WDR3: variants seen among roughly 807,000 people sequenced by gnomAD.
WDR3 encodes WD repeat-containing protein 3.
In WDR3, 81 loss-of-function variants were observed where a neutral mutation model predicts 123.7. That is an observed-to-expected ratio of 0.65 (90% confidence interval 0.55 to 0.79). The LOEUF (loss-of-function observed/expected upper bound fraction) is 0.79. WDR3 is among the 30% of genes least tolerant of loss of function. The pLI is 0.00. For synonymous variants in WDR3, 390 were observed against 388.8 expected (o/e 1.00, Z -0.04); for missense variants, 1,027 against 1,123.2 (o/e 0.91, Z 1.22).
intron 10 of WDR3, among the ~76,000 whole-genome samples, chr1:117,942,934 A>G (rs1173026632): frequency 7.2e-6 from 1 of 138,358 alleles, no homozygotes; most frequent in Non-Finnish European, 1.5e-5. Context: ...CTACTCAGCT[A>G]CTACTCAATA....
chr1:117,938,325 T>C (rs1651013427), intron 4 of WDR3, among the ~76,000 whole-genome samples, 155 bp from the exon 5 acceptor site: 1 of 152,230 alleles, frequency 6.6e-6, no homozygotes, highest in East Asian at 1.9e-4. Flanking sequence ...GTTAGGATTC[T>C]TTGCTTTTCA....
Position 117,933,295 on chromosome 1 carries a change from C to T in WDR3, c.-25C>T, listed in dbSNP as rs369548134. ...CTTTGTTTATATGCACAGATTGCTT[C>T]ACCTGTGGTATCAGACATCACAACA... On this transcript the variant is annotated 5_prime_UTR_variant, in exon 2 of 27. Coordinates refer to ENST00000349139, the MANE Select transcript of WDR3 (RefSeq NM_006784.3). 7 of 1,612,240 alleles carry T rather than the reference C, an allele frequency of 4.3e-6. No individual in the cohort carries two copies. Among genetic ancestry groups the T allele is most frequent in the Non-Finnish European group, 5.9e-6 (7 of 1,178,666 alleles).
In WDR3 at chr1:117,929,768, C is replaced by T. The variant is rs529289139; in HGVS notation, c.-47C>T. On this transcript the variant is annotated 5_prime_UTR_variant, in exon 1 of 27. Transcript: ENST00000349139. ...TGGGCGGGTCCAATCGGCTGGGAGC[C>T]TCGTGGAGGCTGAGGTGAGTCCTGG... The T allele has an allele frequency of 3.3e-5, 5 of 152,528 alleles. No homozygotes were observed. The highest frequency in any genetic ancestry group is 1.2e-4 in the African/African-American group (5 of 41,598). The allele number at this position is 152,528 out of a possible 1,614,324, so 9.4% of individuals were successfully genotyped here.
At chr1:117,956,689 G>A (rs1652247908) in intron 24 of WDR3, among the ~76,000 whole-genome samples, 1 of 152,130 alleles carries the variant, frequency 6.6e-6, no homozygotes, top group Non-Finnish European at 1.5e-5. Context: ...TTAAAATAGT[G>A]TAGCATTGGT....
At position 117,953,559 on chromosome 1, in the gene WDR3, G is replaced by GT. The variant is rs1364500980; in HGVS notation, c.2268+19dup. ...TGAAAGCAGTAAGTTGATATAGAAT[G>GT]TGGTATCTCGTTTTTTAATAAGATC... is the stretch of plus-strand genomic sequence containing the variant. On this transcript the variant is annotated intron_variant, in intron 21 of 26. Coordinates refer to ENST00000349139, the MANE Select transcript of WDR3 (RefSeq NM_006784.3). 1.2e-6 allele frequency: 2 copies of GT among 1,604,580 alleles called. No homozygotes were observed. Among genetic ancestry groups the GT allele is most frequent in the Non-Finnish European group, 1.7e-6 (2 of 1,175,576 alleles).
Position 117,964,065 on chromosome 1 carries a change from TC to T in WDR3, c.*4620del. ...CAGTTCAATTTTAGGTAACTGTCTA[TC>T]CAATGCAAATTCTGCATGCTCAGGC... On this transcript the variant is annotated 3_prime_UTR_variant, in exon 27 of 27. Transcript: ENST00000349139. The T allele has an allele frequency of 9.3e-7, 1 of 1,076,026 alleles. No homozygotes were observed. The highest frequency in any genetic ancestry group is 2.5e-5 in the East Asian group (1 of 40,674). The allele number at this position is 1,076,026 out of a possible 1,614,324, so 66.7% of individuals were successfully genotyped here.
Position 117,933,457 on chromosome 1 carries a change from C to T in WDR3, c.138C>T (p.His46=), listed in dbSNP as rs1650806362. Residue 46 remains histidine, a synonymous_variant, in exon 2 of 27, where the codon CAC becomes CAT. Coordinates refer to ENST00000349139, the MANE Select transcript of WDR3 (RefSeq NM_006784.3). ...ATGTGGCAGTACCAGCTTGTGAACACGTTTTCATCTGGGACTTAAGGAAAG... is the reference window on the plus strand; with the variant it reads ...ATGTGGCAGTACCAGCTTGTGAACATGTTTTCATCTGGGACTTAAGGAAAG... The part of the protein sequence containing the change: ...GRYVAVPACE[H]VFIWDLRKGE... 2.5e-6 allele frequency: 4 copies of T among 1,613,974 alleles called. No homozygotes were observed. Among genetic ancestry groups the T allele is most frequent in the Non-Finnish European group, 3.4e-6 (4 of 1,180,024 alleles).
chr1:117,943,338 A>G (rs550288619), intron 10 of WDR3, 58 bp from the exon 11 acceptor site: 9 of 1,443,928 alleles, frequency 6.2e-6, no homozygotes, highest in Middle Eastern at 1.8e-4. Flanking sequence ...TCCTGGAAAA[A>G]GTAAACCTTG....
intron 1 of WDR3, among the ~76,000 whole-genome samples, chr1:117,932,737 G>A (rs987444932): frequency 6.6e-6 from 1 of 152,172 alleles, no homozygotes; most frequent in Non-Finnish European, 1.5e-5. Flanking sequence ...AGATATGCAT[G>A]AGGTGGGCAT....
rs1488588538 is a variant in WDR3 at position 117,965,398 on chromosome 1, T to C, written c.*5951T>C. On this transcript the variant is annotated 3_prime_UTR_variant, in exon 27 of 27. Coordinates refer to ENST00000349139, the MANE Select transcript of WDR3 (RefSeq NM_006784.3). ...TCAGCCATCACCTCTGTGTAAACGA[T>C]GCTTAAAATTATTATATCTCCAATT... is the stretch of plus-strand genomic sequence containing the variant. 1 of 152,224 alleles carries C rather than the reference T, an allele frequency of 6.6e-6. No homozygotes were observed. Among genetic ancestry groups the C allele is most frequent in the Non-Finnish European group, 1.5e-5 (1 of 68,042 alleles). 9.4% of individuals were successfully genotyped at this position (152,224 alleles called of 1,614,324 possible).
chr1:117,955,007 T>G, intron 23 of WDR3: 1 of 382,716 alleles, frequency 2.6e-6, no homozygotes, highest in Non-Finnish European at 4.6e-6. Context: ...GATGGGAGAA[T>G]GTATGTTTAT....
chr1:117,935,140 G>A (rs1242228025), intron 3 of WDR3, among the ~76,000 whole-genome samples: 1 of 152,110 alleles, frequency 6.6e-6, no homozygotes, highest in African/African-American at 2.4e-5. Flanking sequence ...ACTGAAGAAT[G>A]GAATAGAAGA....
Position 117,952,292 on chromosome 1 carries a change from T to C in WDR3, c.1905-5T>C. ...TGACATTTTAATATTTCTGTCACTT[T>C]TCAGTGTGATGTACCTACAGTTTGT... On this transcript the variant is annotated splice_polypyrimidine_tract_variant and splice_region_variant and intron_variant, in intron 17 of 26. Transcript: ENST00000349139. 6.2e-7 allele frequency: 1 copy of C among 1,601,400 alleles called. No homozygotes were observed. Among genetic ancestry groups the C allele is most frequent in the East Asian group, 2.2e-5 (1 of 44,812 alleles).
chr1:117,965,690 A>C lies in WDR3; in HGVS notation c.*6243A>C, dbSNP rs901084045. The C allele has an allele frequency of 2.0e-5, 3 of 152,196 alleles. No individual in the cohort carries two copies. The highest frequency in any genetic ancestry group is 2.9e-5 in the Non-Finnish European group (2 of 68,056). The allele number at this position is 152,196 out of a possible 1,614,324, so 9.4% of individuals were successfully genotyped here. A position where few individuals can be genotyped will look rare whatever the true frequency, so the allele number is the denominator to read the frequency against. ...ACACATCCAGTTGTTCCCCTTTGAC[A>C]TGTCCTGCACAATAACCCTGGATTC... On this transcript the variant is annotated 3_prime_UTR_variant, in exon 27 of 27. Transcript: ENST00000349139.
intron 19 of WDR3, 112 bp downstream of exon 19, chr1:117,952,774 C>A: frequency 6.8e-7 from 1 of 1,467,734 alleles, no homozygotes; most frequent in Non-Finnish European, 9.3e-7. Flanking sequence ...AGTCCAAGAA[C>A]CTTCAGGAGA....
In WDR3 at chr1:117,940,891, C is replaced by T. The variant is rs1439392122; in HGVS notation, c.740C>T (p.Thr247Ile). 7.4e-6 allele frequency: 12 copies of T among 1,613,928 alleles called. No individual in the cohort carries two copies. Among genetic ancestry groups the T allele is most frequent in the East Asian group, 2.2e-5 (1 of 44,892 alleles). Residue 247 changes from threonine to isoleucine, a missense_variant, in exon 7 of 27, where the codon ACT becomes ATT. By Grantham distance (89) the Thr-to-Ile change is moderately conservative. Coordinates refer to ENST00000349139, the MANE Select transcript of WDR3 (RefSeq NM_006784.3). Reference sequence around the variant, plus strand: ...GGATCTTCTCCTGGAATACAAGATACTCTTGAGGCAGAGGATGGTGCCTTT... The same window carrying T: ...GGATCTTCTCCTGGAATACAAGATATTCTTGAGGCAGAGGATGGTGCCTTT... ...IKGSSPGIQD[T>I]LEAEDGAFET...
intron 12 of WDR3, among the ~76,000 whole-genome samples, chr1:117,946,440 C>T (rs926586582): frequency 2.6e-5 from 4 of 151,728 alleles, no homozygotes; most frequent in Admixed American, 6.6e-5. Context: ...TTTTTATGGG[C>T]GCATATGTAA....
chr1:117,961,516 A>G lies in WDR3; in HGVS notation c.*2069A>G, dbSNP rs538511231. 6.6e-6 allele frequency: 1 copy of G among 152,264 alleles called. No homozygotes were observed. The highest frequency in any genetic ancestry group is 6.5e-5 in the Admixed American group (1 of 15,286). The allele number at this position is 152,264 out of a possible 1,614,324, so 9.4% of individuals were successfully genotyped here. A position where few individuals can be genotyped will look rare whatever the true frequency, so the allele number is the denominator to read the frequency against. On this transcript the variant is annotated 3_prime_UTR_variant, in exon 27 of 27. Coordinates refer to ENST00000349139, the MANE Select transcript of WDR3 (RefSeq NM_006784.3). The stretch of plus-strand genomic sequence containing the variant: ...TAGATGTTCTGTATCTTCTTGAGAC[A>G]GTTTTGCTTTTTATCTTTTTTGTTG...
chr1:117,955,243 A>G (rs1321883215), intron 23 of WDR3, 72 bp from the exon 24 acceptor site: 11 of 1,307,586 alleles, frequency 8.4e-6, no homozygotes, highest in African/African-American at 3.0e-5. Flanking sequence ...GTTTTATAGG[A>G]GATAGAAATT....
Sources: allele counts gnomAD v4.1 joint callset (sites outside exome capture counted in the v4.1 genomes callset), GRCh38; gene constraint gnomAD v4.1.1; transcripts MANE v1.5; gene names NCBI Gene and HGNC (gene_info 2026-07-23, HGNC 2026-07-21).